IRGM: variants seen among roughly 807,000 people sequenced by gnomAD.
IRGM encodes the protein immunity-related GTPase family M protein.
For synonymous variants in IRGM, 98 were observed against 80.6 expected, an observed-to-expected ratio of 1.22 and a Z score of -1.16; for missense variants, 288 against 219.9, an observed-to-expected ratio of 1.31 and a Z score of -1.96.
intron 1 of IRGM, among the ~76,000 whole-genome samples, chr5:150,874,875 G>A (rs1049475533): frequency 1.3e-5 from 2 of 152,158 alleles, no homozygotes; most frequent in African/African-American, 4.8e-5. Context: ...GCCTGTCACT[G>A]GGTTTTGGTG....
chr5:150,872,645 G>A (rs1484008056), intron 1 of IRGM, among the ~76,000 whole-genome samples: 1 of 152,150 alleles, frequency 6.6e-6, no homozygotes, highest in Non-Finnish European at 1.5e-5. Context: ...TATTGATTAG[G>A]GCCCACTACA....
At chr5:150,888,179 C>T (rs750802241) in intron 3 of IRGM, among the ~76,000 whole-genome samples, 67 of 151,764 alleles carry the variant, frequency 4.4e-4, no homozygotes, top group Middle Eastern at 3.4e-3. Flanking sequence ...AACAAACAAA[C>T]GAAAAACAGA....
intron 1 of IRGM, among the ~76,000 whole-genome samples, chr5:150,868,374 G>A (rs1010247245): frequency 2.0e-5 from 3 of 152,076 alleles, no homozygotes; most frequent in Non-Finnish European, 4.4e-5. Flanking sequence ...AATGACTGTA[G>A]CCTTATAGTA....
chr5:150,900,991 T>G (rs1451246794), downstream of IRGM, among the ~76,000 whole-genome samples: 1 of 152,058 alleles, frequency 6.6e-6, no homozygotes, highest in Non-Finnish European at 1.5e-5. Context: ...CAAACAATTT[T>G]TACAGCTCAG....
chr5:150,857,411 T>TAGC (rs548248114), intron 1 of IRGM, among the ~76,000 whole-genome samples: 2 of 151,826 alleles, frequency 1.3e-5, no homozygotes, highest in East Asian at 1.9e-4. Flanking sequence ...TGTGTCTTTA[T>TAGC]AGCATGATTT....
intron 1 of IRGM, among the ~76,000 whole-genome samples, chr5:150,857,150 C>A (rs1754069813): frequency 6.6e-6 from 1 of 151,600 alleles, no homozygotes; most frequent in African/African-American, 2.4e-5. Context: ...TCTCATTGTT[C>A]ATTTCCCACC....
At chr5:150,875,244 G>A (rs1754347078) in intron 1 of IRGM, among the ~76,000 whole-genome samples, 1 of 152,150 alleles carries the variant, frequency 6.6e-6, no homozygotes, top group South Asian at 2.1e-4. Context: ...ACCCAAAAGT[G>A]GACAGCTGCA....
At chr5:150,891,364 G>A (rs1388547173) in intron 3 of IRGM, among the ~76,000 whole-genome samples, 7 of 151,966 alleles carry the variant, frequency 4.6e-5, no homozygotes, top group South Asian at 4.2e-4. Context: ...TAGTCTCTGC[G>A]TTTTTATCTA....
At chr5:150,876,564 T>C (rs1054409148) in intron 1 of IRGM, among the ~76,000 whole-genome samples, 2 of 152,210 alleles carry the variant, frequency 1.3e-5, no homozygotes, top group African/African-American at 4.8e-5. Context: ...ATCAGTCTAC[T>C]ACACCACAGT....
chr5:150,888,990 G>A (rs1427232482), intron 3 of IRGM, among the ~76,000 whole-genome samples: 1 of 151,774 alleles, frequency 6.6e-6, no homozygotes, highest in African/African-American at 2.4e-5. Context: ...ATTTTATTAT[G>A]TCTATTCATG....
intron 1 of IRGM, among the ~76,000 whole-genome samples, chr5:150,862,229 T>C (rs893392987): frequency 6.6e-6 from 1 of 152,234 alleles, no homozygotes; most frequent in Non-Finnish European, 1.5e-5. Flanking sequence ...CATAACAGAA[T>C]ATGTCATCAA....
At chr5:150,868,449 G>A (rs1257237112) in intron 1 of IRGM, among the ~76,000 whole-genome samples, 1 of 151,966 alleles carries the variant, frequency 6.6e-6, no homozygotes, top group Non-Finnish European at 1.5e-5. Context: ...TGCTTTGGCT[G>A]TGCAGGCTCT....
rs1753853642 is a variant in IRGM, at chr5:150,846,561, G to GC, written c.-1075_-1074insC. On this transcript the variant is annotated 5_prime_UTR_variant, in exon 1 of 2. It introduces an in-frame stop codon into an upstream open reading frame of the 5' UTR. Coordinates refer to ENST00000522154, the MANE Select transcript of IRGM (RefSeq NM_001145805.2). ...TCCCCTTCCATGCTGTGGAAGCTTT[G>GC]TTTTTTTGCACTTTGCAGTAAATCT... 6.6e-6 allele frequency: 1 copy of GC among 151,786 alleles called. No homozygotes were observed. The allele number at this position is 151,786 out of a possible 1,614,324, so 9.4% of individuals were successfully genotyped here.
chr5:150,895,643 C>T (rs776168191), intron 3 of IRGM: 2 of 1,613,080 alleles, frequency 1.2e-6, no homozygotes, highest in South Asian at 2.2e-5. Flanking sequence ...GGTGGGACTT[C>T]TGAGAGAAGG....
chr5:150,891,173 A>T (rs1754604151), intron 3 of IRGM, among the ~76,000 whole-genome samples: 1 of 152,226 alleles, frequency 6.6e-6, no homozygotes, highest in African/African-American at 2.4e-5. Context: ...TTCCTTTATC[A>T]CTATGAACTG....
At chr5:150,858,353 G>A (rs1412531487) in intron 1 of IRGM, among the ~76,000 whole-genome samples, 1 of 152,178 alleles carries the variant, frequency 6.6e-6, no homozygotes. Flanking sequence ...TTGAAGTCAG[G>A]TAGTGCGATG....
intron 3 of IRGM, chr5:150,898,505 C>T (rs1464614513): frequency 6.2e-7 from 1 of 1,612,998 alleles, no homozygotes; most frequent in African/African-American, 1.3e-5. Context: ...AAGTTGCTGC[C>T]ACTCCTCCTG....
intron 1 of IRGM, among the ~76,000 whole-genome samples, chr5:150,858,813 G>A (rs141428098): frequency 0.039 from 5,914 of 152,246 alleles, 189 homozygotes; most frequent in East Asian, 0.18. Context: ...TTATCAGCTT[G>A]AGGAGATTTT....
chr5:150,858,463 A>G (rs988117751), intron 1 of IRGM, among the ~76,000 whole-genome samples: 6 of 152,226 alleles, frequency 3.9e-5, no homozygotes, highest in East Asian at 1.9e-4. Flanking sequence ...TTCTGCGAAG[A>G]AAGTCATTGG....
Sources: allele counts gnomAD v4.1 joint callset (sites outside exome capture counted in the v4.1 genomes callset), GRCh38; gene constraint gnomAD v4.1.1; transcripts MANE v1.5; gene names NCBI Gene and HGNC (gene_info 2026-07-23, HGNC 2026-07-21).